Variants in CDK6 observed in about 807,000 individuals in gnomAD.
CDK6 encodes cyclin dependent kinase 6.
A neutral mutation model predicts 37.1 loss-of-function variants in CDK6; 6 were observed. The observed-to-expected ratio is 0.16, with a 90% CI of 0.09 to 0.32. CDK6 has a LOEUF of 0.32. Ranked by LOEUF, CDK6 falls within the 10% of genes least tolerant of loss-of-function variation. CDK6 has a pLI of 1.00. For missense variants in CDK6, 224 were observed against 418.9 expected (o/e 0.53, Z 4.06); for synonymous variants, 160 against 161.3 (o/e 0.99, Z 0.06).
Position 92,607,223 on chromosome 7 carries a change from C to T in CDK6, c.*7917G>A, listed in dbSNP as rs1284173777. On this transcript the variant is annotated 3_prime_UTR_variant, in exon 8 of 8. Transcript: ENST00000424848. ...CTACTCCACATGACACCTACGAGGG[C>T]ACTACATCACGTGAGGGAAGCTTCT... 4.3e-6 allele frequency: 1 copy of T among 233,590 alleles called. No individual in the cohort carries two copies. Among genetic ancestry groups the T allele is most frequent in the East Asian group, 6.0e-5 (1 of 16,582 alleles). 14.5% of individuals were successfully genotyped at this position (233,590 alleles called of 1,614,324 possible). A position where few individuals can be genotyped will look rare whatever the true frequency, so the allele number is the denominator to read the frequency against.
In CDK6 at chr7:92,651,755, CT is replaced by C. The variant is rs201093773; in HGVS notation, c.647+19670del. On this transcript the variant is annotated intron_variant, in intron 5 of 7. Transcript: ENST00000424848. ...TATAACCTGAAATAATACTAAAAAA[CT>C]TTTTTTTTTTTTTTTGACATGGAAG... 9.1e-3 allele frequency among the ~76,000 whole-genome samples: 1,287 copies of C among 141,230 alleles called. 9 individuals are homozygous for C. Among genetic ancestry groups the C allele is most frequent in the Admixed American group, 0.025 (354 of 14,110 alleles). 92.7% of individuals were successfully genotyped at this position (141,230 alleles called of 152,430 possible).
chr7:92,801,619 C>T (rs918333914), intron 2 of CDK6, among the ~76,000 whole-genome samples: 4 of 151,606 alleles, frequency 2.6e-5, no homozygotes, highest in Non-Finnish European at 5.9e-5. Flanking sequence ...TTCTCTTTCC[C>T]TCCTTCCTTC....
chr7:92,823,747 A>C (rs898717559), intron 2 of CDK6, among the ~76,000 whole-genome samples: 2 of 152,136 alleles, frequency 1.3e-5, no homozygotes. Context: ...AAAAAGTTTT[A>C]AAATGTACTG....
At chr7:92,802,590 C>T (rs1431241197) in intron 2 of CDK6, among the ~76,000 whole-genome samples, 3 of 152,218 alleles carry the variant, frequency 2.0e-5, no homozygotes, top group Non-Finnish European at 4.4e-5. Flanking sequence ...TATCACATGT[C>T]TTTTAAACTA....
At chr7:92,828,337 AT>A (rs991491776) in intron 2 of CDK6, among the ~76,000 whole-genome samples, 4 of 152,060 alleles carry the variant, frequency 2.6e-5, no homozygotes, top group African/African-American at 9.7e-5. Flanking sequence ...CATACAGTTC[AT>A]TTTTTCCAAA....
rs1404501881 is a variant in CDK6 at position 92,835,895 on chromosome 7, A to G, written c.-368+583T>C. Reference sequence around the variant, plus strand: ...AAACGTGCGTCTTCGCGGGGCTCCAAGCCTGGGCACTGGCCGGCTGCGTGC... The same window carrying G: ...AAACGTGCGTCTTCGCGGGGCTCCAGGCCTGGGCACTGGCCGGCTGCGTGC... On this transcript the variant is annotated intron_variant, in intron 1 of 7. Coordinates refer to ENST00000424848, the MANE Select transcript of CDK6 (RefSeq NM_001145306.2). The surrounding 1 kb of genome is among the most constrained non-coding windows in gnomAD (Gnocchi z 4.2). 6.6e-6 allele frequency among the ~76,000 whole-genome samples: 1 copy of G among 152,258 alleles called. No individual in the cohort carries two copies. The highest frequency in any genetic ancestry group is 1.5e-5 in the Non-Finnish European group (1 of 68,042).
intron 3 of CDK6, among the ~76,000 whole-genome samples, chr7:92,771,265 T>C (rs1403799236): frequency 6.9e-6 from 1 of 144,558 alleles, no homozygotes; most frequent in Non-Finnish European, 1.5e-5. Flanking sequence ...AAAAATAAAG[T>C]ATCTTAGATA....
chr7:92,626,527 G>T (rs751746569), intron 5 of CDK6, among the ~76,000 whole-genome samples: 29 of 152,072 alleles, frequency 1.9e-4, no homozygotes, highest in Non-Finnish European at 4.0e-4. Flanking sequence ...AAGCTGATTT[G>T]TCTGACTTCA....
Position 92,749,042 on chromosome 7 carries a change from T to G in CDK6, c.370-23249A>C, listed in dbSNP as rs533278291. Among the ~76,000 whole-genome samples, 54 of 151,572 alleles carry G rather than the reference T, an allele frequency of 3.6e-4. No homozygotes were observed. In the South Asian group the frequency reaches 4.0e-3, roughly 11 times the overall value. On this transcript the variant is annotated intron_variant, in intron 3 of 7. Transcript: ENST00000424848. ...GGTGAAACACCATCTCTACTAAAAA[T>G]ACAAAACTTAGCCAGGCGTGGTGGC... is the stretch of plus-strand genomic sequence containing the variant.
intron 5 of CDK6, among the ~76,000 whole-genome samples, chr7:92,627,615 T>C (rs1795956959): frequency 6.6e-6 from 1 of 152,064 alleles, no homozygotes; most frequent in Non-Finnish European, 1.5e-5. Flanking sequence ...ATCCAGTTCA[T>C]GGTATTTTGT....
chr7:92,640,433 T>C (rs1796277240), intron 5 of CDK6, among the ~76,000 whole-genome samples: 1 of 152,214 alleles, frequency 6.6e-6, no homozygotes, highest in Non-Finnish European at 1.5e-5. Flanking sequence ...GTATAGCACA[T>C]TATACGGTAT....
In CDK6 at chr7:92,694,876, T is replaced by C. The variant is rs1797673445; in HGVS notation, c.538-23341A>G. Among the ~76,000 whole-genome samples, 4 of 152,222 alleles carry C rather than the reference T, an allele frequency of 2.6e-5. No homozygotes were observed. The South Asian group carries it at 8.3e-4, about 31-fold the overall frequency. On this transcript the variant is annotated intron_variant, in intron 4 of 7. Coordinates refer to ENST00000424848, the MANE Select transcript of CDK6 (RefSeq NM_001145306.2). ...AAAGGAATGACATGGGATATAATTT[T>C]TCTGTTCCTACCTATTGAAATATAT...
intron 5 of CDK6, among the ~76,000 whole-genome samples, chr7:92,640,025 A>C (rs1749210017): frequency 6.6e-6 from 1 of 152,170 alleles, no homozygotes; most frequent in Non-Finnish European, 1.5e-5. Context: ...CTCCTTAATA[A>C]TATGTTTAAT....
At chr7:92,762,120 A>G (rs1471568038) in intron 3 of CDK6, among the ~76,000 whole-genome samples, 1 of 152,232 alleles carries the variant, frequency 6.6e-6, no homozygotes, top group Non-Finnish European at 1.5e-5. Flanking sequence ...CTTGAGGTTT[A>G]CAAGATCAAT....
chr7:92,725,031 T>G, intron 4 of CDK6: 1 of 985,220 alleles, frequency 1.0e-6, no homozygotes, highest in South Asian at 4.7e-5. Flanking sequence ...AGAAACAGGG[T>G]ATCATAACTG....
intron 3 of CDK6, among the ~76,000 whole-genome samples, chr7:92,731,663 T>C (rs1179814521): frequency 6.6e-6 from 1 of 152,090 alleles, no homozygotes; most frequent in Non-Finnish European, 1.5e-5. Flanking sequence ...ATATGTATTC[T>C]GAAATGAGAA....
chr7:92,742,805 A>G (rs530472127), intron 3 of CDK6, among the ~76,000 whole-genome samples: 2 of 152,222 alleles, frequency 1.3e-5, no homozygotes, highest in East Asian at 3.9e-4. Context: ...CTGGAAATTG[A>G]AAGTGTTTAA....
intron 2 of CDK6, among the ~76,000 whole-genome samples, chr7:92,780,252 G>A (rs1450936538): frequency 4.6e-5 from 7 of 152,178 alleles, no homozygotes; most frequent in African/African-American, 1.2e-4. Context: ...GATTACAGGC[G>A]TGAGCCACTG....
At chr7:92,801,275 G>T (rs1387245452) in intron 2 of CDK6, among the ~76,000 whole-genome samples, 1 of 152,020 alleles carries the variant, frequency 6.6e-6, no homozygotes, top group Admixed American at 6.6e-5. Flanking sequence ...TTTATAACAG[G>T]AATTCCTTTC....
Sources: gnomAD v4.1 joint callset for allele counts (sites outside exome capture counted in the v4.1 genomes callset) on GRCh38, gnomAD v4.1.1 for gene constraint, Gnocchi (gnomAD v3.1) non-coding constraint, MANE v1.5 for transcripts, NCBI Gene and HGNC (gene_info 2026-07-23, HGNC 2026-07-21) for gene names.